Variants in TTLL5 observed in about 807,000 individuals in gnomAD.
TTLL5 encodes tubulin polyglutamylase TTLL5.
A neutral mutation model predicts 168.4 loss-of-function variants in TTLL5; 132 were observed. That is an observed-to-expected ratio of 0.78 (90% CI 0.68 to 0.91). The LOEUF is 0.91. Ranked by LOEUF, TTLL5 falls within the 40% of genes least tolerant of loss-of-function variation. TTLL5 has a pLI of 0.00. For synonymous variants in TTLL5, 546 were observed against 558.6 expected, an observed-to-expected ratio of 0.98 and a Z score of 0.32; for missense variants, 1,545 against 1,581.5, an observed-to-expected ratio of 0.98 and a Z score of 0.39.
chr14:75,727,590 TGTG>T (rs1888260150), intron 12 of TTLL5, among the ~76,000 whole-genome samples: 1 of 152,204 alleles, frequency 6.6e-6, no homozygotes, highest in African/African-American at 2.4e-5. Flanking sequence ...TCCTATGTCT[TGTG>T]GTGGTGTTAG....
intron 26 of TTLL5, among the ~76,000 whole-genome samples, chr14:75,788,204 G>A (rs1450446739): frequency 2.0e-5 from 3 of 152,078 alleles, no homozygotes; most frequent in South Asian, 4.1e-4. Context: ...TGTGCTAAAT[G>A]TCTGGCTTTA....
At chr14:75,840,101 G>T (rs1896138320) in intron 28 of TTLL5, among the ~76,000 whole-genome samples, 1 of 152,256 alleles carries the variant, frequency 6.6e-6, no homozygotes, top group East Asian at 1.9e-4. Flanking sequence ...TGTTGTTGTT[G>T]TTGCCTGTGC....
chr14:75,757,807 C>T lies in TTLL5; in HGVS notation c.1550+4852C>T, dbSNP rs143596688. The T allele has an allele frequency of 1.4e-4, 215 of 1,585,264 alleles. 4 individuals are homozygous for T. The East Asian group carries it at 1.6e-3, about 12-fold the overall frequency. On this transcript the variant is annotated intron_variant, in intron 18 of 31. Transcript: ENST00000298832. ...ACTACCTGAATAGCATTCTCTAACC[C>T]GGTTGTCCTTTCTGCTTCTGTAGGG... is the stretch of plus-strand genomic sequence containing the variant.
At chr14:75,890,062 A>G (rs999919512) in intron 30 of TTLL5, among the ~76,000 whole-genome samples, 6 of 152,206 alleles carry the variant, frequency 3.9e-5, no homozygotes, top group African/African-American at 1.2e-4. Context: ...ATTGGCTTCA[A>G]TAGATAAACT....
At chr14:75,867,297 G>A (rs532319271) in intron 29 of TTLL5, among the ~76,000 whole-genome samples, 9 of 152,120 alleles carry the variant, frequency 5.9e-5, no homozygotes, top group Non-Finnish European at 1.0e-4. Context: ...CATTTGAAGG[G>A]CTTGTTAAAA....
intron 31 of TTLL5, among the ~76,000 whole-genome samples, chr14:75,951,504 A>C (rs1444299627): frequency 6.6e-6 from 1 of 152,156 alleles, no homozygotes; most frequent in Non-Finnish European, 1.5e-5. Context: ...TAACACCTGT[A>C]AAGTCAACAC....
intron 28 of TTLL5, among the ~76,000 whole-genome samples, chr14:75,827,424 G>T (rs1249676600): frequency 6.6e-6 from 1 of 152,140 alleles, no homozygotes; most frequent in Non-Finnish European, 1.5e-5. Flanking sequence ...ATTAGGAAAA[G>T]CCAAATTTTA....
rs146639725 is a variant in TTLL5 at position 75,705,432 on chromosome 14, T to A, written c.586-1586T>A. ...ACAAACTTTTGAATTTGGGGGACAA[T>A]TAAATTTGAGAGCAGAATATTGGGA... On this transcript the variant is annotated intron_variant, in intron 7 of 31. Transcript: ENST00000298832. Among the ~76,000 whole-genome samples, 12 of 152,284 alleles carry A rather than the reference T, an allele frequency of 7.9e-5. No homozygotes were observed. The East Asian group carries it at 2.3e-3, about 29-fold the overall frequency.
chr14:75,787,964 G>A (rs1349249993), intron 26 of TTLL5, among the ~76,000 whole-genome samples: 3 of 152,136 alleles, frequency 2.0e-5, no homozygotes, highest in African/African-American at 7.2e-5. Context: ...TAAGTAGAGA[G>A]CAATGCAAGT....
chr14:75,682,784 A>G (rs1179205469), intron 4 of TTLL5, among the ~76,000 whole-genome samples: 3 of 146,662 alleles, frequency 2.0e-5, no homozygotes, highest in African/African-American at 7.6e-5. Flanking sequence ...TTTTATTTTT[A>G]GAGATGGAGT....
chr14:75,849,589 C>T (rs1896739796), intron 28 of TTLL5, among the ~76,000 whole-genome samples: 1 of 152,086 alleles, frequency 6.6e-6, no homozygotes, highest in Non-Finnish European at 1.5e-5. Context: ...GTTGGCAGTC[C>T]TTAGAGAAGT....
chr14:75,749,557 C>A (rs1889821446), intron 17 of TTLL5, among the ~76,000 whole-genome samples: 1 of 70,878 alleles, frequency 1.4e-5, no homozygotes, highest in Non-Finnish European at 3.4e-5. Context: ...GGAGTGCTGA[C>A]CCTATAGGAG....
chr14:75,766,136 AATGAAG>A lies in TTLL5; in HGVS notation c.1791_1796del (p.Asp597_Glu598del). 6.2e-7 allele frequency: 1 copy of A among 1,614,080 alleles called. No individual in the cohort carries two copies. The highest frequency in any genetic ancestry group is 8.5e-7 in the Non-Finnish European group (1 of 1,179,994). ...AGAGGAGGAAGAAGTCGCATTAGAT[AATGAAG>A]ATGAAGAACAGGAGGCTTCCCAGGA... On this transcript the variant is annotated inframe_deletion, in exon 20 of 32. Transcript: ENST00000298832.
intron 30 of TTLL5, among the ~76,000 whole-genome samples, chr14:75,890,146 C>G (rs1294215257): frequency 6.6e-6 from 1 of 152,112 alleles, no homozygotes; most frequent in East Asian, 1.9e-4. Flanking sequence ...AAAAAGAGTG[C>G]TTTGATAGGT....
At position 75,874,911 on chromosome 14, in the gene TTLL5, GA is replaced by G. The variant is rs202080908; in HGVS notation, c.3523-7765del. 2.5e-4 allele frequency among the ~76,000 whole-genome samples: 29 copies of G among 114,710 alleles called. No individual in the cohort carries two copies. In the South Asian group the frequency reaches 3.9e-3, roughly 16 times the overall value. 75.3% of individuals were successfully genotyped at this position (114,710 alleles called of 152,430 possible). On this transcript the variant is annotated intron_variant, in intron 29 of 31. Transcript: ENST00000298832. ...GGTGCTTTTCTGTTTGTGACACAGA[GA>G]AAAAAAAAGACACTGGGGGCCTTTT...
At chr14:75,855,044 A>G (rs1017178396) in intron 28 of TTLL5, among the ~76,000 whole-genome samples, 1 of 152,000 alleles carries the variant, frequency 6.6e-6, no homozygotes. Context: ...TCTTGAAATC[A>G]GGTGATGTAA....
At chr14:75,784,783 G>A (rs1892268596) in intron 26 of TTLL5, among the ~76,000 whole-genome samples, 1 of 152,132 alleles carries the variant, frequency 6.6e-6, no homozygotes, top group African/African-American at 2.4e-5. Context: ...ACATCCTAAT[G>A]GGTATGAAAT....
intron 19 of TTLL5, among the ~76,000 whole-genome samples, chr14:75,765,737 C>G (rs1890930502): frequency 6.6e-6 from 1 of 152,102 alleles, no homozygotes; most frequent in African/African-American, 2.4e-5. Context: ...GTAACATGTG[C>G]CTATAGTCCC....
At chr14:75,820,234 C>G (rs1204658651) in intron 28 of TTLL5, 73 bp downstream of exon 28, 1 of 1,444,308 alleles carries the variant, frequency 6.9e-7, no homozygotes, top group Non-Finnish European at 9.1e-7. Flanking sequence ...GCCATTCCCA[C>G]CTTGAGTTCT....
Sources: allele counts gnomAD v4.1 joint callset (sites outside exome capture counted in the v4.1 genomes callset), GRCh38; gene constraint gnomAD v4.1.1; transcripts MANE v1.5; gene names NCBI Gene and HGNC (gene_info 2026-07-23, HGNC 2026-07-21).